FAM20B: variants seen among roughly 807,000 people sequenced by gnomAD.
FAM20B encodes the protein FAM20B glycosaminoglycan xylosylkinase.
In FAM20B, 23 loss-of-function variants were observed where a neutral mutation model predicts 43.8. The ratio of observed to expected loss-of-function variants is 0.53; its 90% CI spans 0.38 to 0.74. The LOEUF (loss-of-function observed/expected upper bound fraction) is 0.74. FAM20B is among the 30% of genes least tolerant of loss of function. The pLI, the probability that FAM20B is intolerant of heterozygous loss-of-function variation, is 0.00. For missense variants in FAM20B, 440 were observed against 510.5 expected (o/e 0.86, Z 1.33); for synonymous variants, 178 against 192.4 (o/e 0.93, Z 0.62).
chr1:179,041,335 G>T (rs1442685341), intron 1 of FAM20B, among the ~76,000 whole-genome samples: 1 of 152,192 alleles, frequency 6.6e-6, no homozygotes, highest in Non-Finnish European at 1.5e-5. Flanking sequence ...AGCGAGCCGA[G>T]ATCACGCCAC....
At chr1:179,029,176 C>G (rs924508570) in intron 1 of FAM20B, among the ~76,000 whole-genome samples, 8 of 152,258 alleles carry the variant, frequency 5.3e-5, no homozygotes. Context: ...CCTGACTGCC[C>G]TTGTCCCTTA....
chr1:179,040,664 TCCCCCCAC>T (rs1557869075), intron 1 of FAM20B, among the ~76,000 whole-genome samples: 9 of 101,946 alleles, frequency 8.8e-5, no homozygotes. Flanking sequence ...CGGGCGCTGA[TCCCCCCAC>T]CTCCCTCCCG....
At chr1:179,065,458 A>G (rs1226651888) in intron 6 of FAM20B, among the ~76,000 whole-genome samples, 1 of 152,200 alleles carries the variant, frequency 6.6e-6, no homozygotes, top group Non-Finnish European at 1.5e-5. Context: ...ATATTTACTA[A>G]ATAGAACGCT....
chr1:179,032,047 C>T (rs1650035445), intron 1 of FAM20B, among the ~76,000 whole-genome samples: 1 of 152,168 alleles, frequency 6.6e-6, no homozygotes, highest in Non-Finnish European at 1.5e-5. Context: ...TTATCTACCT[C>T]TCAAATTTAG....
intron 2 of FAM20B, 75 bp downstream of exon 2, chr1:179,044,299 T>C: frequency 6.7e-7 from 1 of 1,483,854 alleles, no homozygotes; most frequent in Non-Finnish European, 9.1e-7. Context: ...AAGATTTATT[T>C]TGTCATCTTC....
intron 4 of FAM20B, among the ~76,000 whole-genome samples, chr1:179,061,378 C>G (rs1373185572): frequency 6.6e-6 from 1 of 151,118 alleles, no homozygotes; most frequent in African/African-American, 2.4e-5. Flanking sequence ...AATGCTCTCT[C>G]TCAGCAGTAT....
intron 4 of FAM20B, among the ~76,000 whole-genome samples, chr1:179,055,525 T>C (rs1651179133): frequency 6.6e-6 from 1 of 152,252 alleles, no homozygotes; most frequent in Admixed American, 6.5e-5. Flanking sequence ...TTCTTATAGA[T>C]AACCAAAAGC....
At chr1:179,069,680 A>G in intron 7 of FAM20B, among the ~76,000 whole-genome samples, 1 of 151,910 alleles carries the variant, frequency 6.6e-6, no homozygotes, top group East Asian at 1.9e-4. Flanking sequence ...CCAGCAGAGC[A>G]TATTTTGAAG....
chr1:179,056,467 C>G (rs1015496396), intron 4 of FAM20B, among the ~76,000 whole-genome samples: 21 of 152,170 alleles, frequency 1.4e-4, no homozygotes, highest in Admixed American at 9.2e-4. Flanking sequence ...TCATGCATGG[C>G]TTGATTTATC....
chr1:179,031,067 C>T (rs1037510937), intron 1 of FAM20B, among the ~76,000 whole-genome samples: 3 of 152,042 alleles, frequency 2.0e-5, no homozygotes, highest in African/African-American at 7.3e-5. Context: ...GCTAAAAATG[C>T]GAGGTCTATT....
rs76504118 is a variant in FAM20B at position 179,032,998 on chromosome 1, C to T, written c.-134+6900C>T. Reference sequence around the variant, plus strand: ...AGTAGAGACATTTATTTCTAGGGAACGGGGTGTAAACTCATAACAGTTAAT... The same window carrying T: ...AGTAGAGACATTTATTTCTAGGGAATGGGGTGTAAACTCATAACAGTTAAT... On this transcript the variant is annotated intron_variant, in intron 1 of 7. Transcript: ENST00000263733. 8.8e-3 allele frequency among the ~76,000 whole-genome samples: 1,335 copies of T among 152,262 alleles called. 17 individuals are homozygous for T. The highest frequency in any genetic ancestry group is 0.03 in the African/African-American group (1,238 of 41,548).
At chr1:179,053,725 G>T (rs1651103583) in intron 3 of FAM20B, among the ~76,000 whole-genome samples, 1 of 152,128 alleles carries the variant, frequency 6.6e-6, no homozygotes, top group South Asian at 2.1e-4. Context: ...TGGGGAAAAG[G>T]TTCATGATAC....
intron 1 of FAM20B, among the ~76,000 whole-genome samples, chr1:179,041,409 G>C (rs11581223): frequency 0.7 from 105,533 of 151,770 alleles, 37,652 homozygotes; most frequent in African/African-American, 0.85. Context: ...ATCCCGGCAC[G>C]TCTGGAGGCC....
At chr1:179,061,087 T>TC (rs1651446400) in intron 4 of FAM20B, among the ~76,000 whole-genome samples, 1 of 150,856 alleles carries the variant, frequency 6.6e-6, no homozygotes, top group South Asian at 2.1e-4. Context: ...TTTTTTTTTT[T>TC]TTTTTTTTTG....
chr1:179,067,150 C>A lies in FAM20B; in HGVS notation c.998+291C>A, dbSNP rs557074194. Among the ~76,000 whole-genome samples, 18 of 151,344 alleles carry A rather than the reference C, an allele frequency of 1.2e-4. No homozygotes were observed. In the South Asian group the frequency reaches 3.8e-3, roughly 32 times the overall value. The stretch of plus-strand genomic sequence containing the variant: ...ATATAATCACCCACACTCCCCACCC[C>A]ACTGCCAAAAAAAAAAAAAGGAGTA... On this transcript the variant is annotated intron_variant, in intron 7 of 7. Coordinates refer to ENST00000263733, the MANE Select transcript of FAM20B (RefSeq NM_014864.4).
intron 4 of FAM20B, among the ~76,000 whole-genome samples, chr1:179,058,805 G>A (rs1557876388): frequency 6.6e-6 from 1 of 152,166 alleles, no homozygotes; most frequent in Non-Finnish European, 1.5e-5. Flanking sequence ...GGAATAGAAA[G>A]ATTTAAGGGC....
At chr1:179,022,466 G>T (rs375678271), upstream of FAM20B, among the ~76,000 whole-genome samples, 2 of 152,102 alleles carry the variant, frequency 1.3e-5, no homozygotes, top group Non-Finnish European at 2.9e-5. Context: ...GTGTGTGCGC[G>T]CGCGCGTGTA....
chr1:179,050,212 C>T, intron 2 of FAM20B, 67 bp from the exon 3 acceptor site: 1 of 1,106,138 alleles, frequency 9.0e-7, no homozygotes, highest in Non-Finnish European at 1.4e-6. Flanking sequence ...TGTATTCTAC[C>T]ACTTGTGCTG....
intron 2 of FAM20B, among the ~76,000 whole-genome samples, chr1:179,049,507 T>C (rs1650912416): frequency 6.6e-6 from 1 of 152,230 alleles, no homozygotes; most frequent in Non-Finnish European, 1.5e-5. Context: ...TTTAAATTTC[T>C]CTTATAAGCT....
Sources: allele counts gnomAD v4.1 joint callset (sites outside exome capture counted in the v4.1 genomes callset), GRCh38; gene constraint gnomAD v4.1.1; transcripts MANE v1.5; gene names NCBI Gene and HGNC (gene_info 2026-07-23, HGNC 2026-07-21).